Variants in CFAP47 observed in about 807,000 individuals in gnomAD.
CFAP47 encodes the protein cilia and flagella associated protein 47.
A neutral mutation model predicts 148.1 loss-of-function variants in CFAP47; 29 were observed. That is an observed-to-expected ratio of 0.20 (90% CI 0.15 to 0.27). CFAP47 has a LOEUF of 0.27. Ranked by LOEUF, CFAP47 falls within the 10% of genes least tolerant of loss-of-function variation. CFAP47 has a pLI of 1.00. For synonymous variants in CFAP47, 664 were observed against 577.3 expected, an observed-to-expected ratio of 1.15 and a Z score of -2.15; for missense variants, 1,872 against 1,697.5, an observed-to-expected ratio of 1.10 and a Z score of -1.81.
chrX:36,096,066 A>G (rs182490243), intron 30 of CFAP47, among the ~76,000 whole-genome samples: 49 of 111,034 alleles, frequency 4.4e-4, no homozygotes, highest in African/African-American at 1.6e-3. Flanking sequence ...AATATCATTT[A>G]TCTCAAGAAT....
chrX:35,924,198 T>C (rs1367822786), intron 1 of CFAP47, among the ~76,000 whole-genome samples: 4 of 105,854 alleles, frequency 3.8e-5, no homozygotes, highest in Non-Finnish European at 7.7e-5. Flanking sequence ...TATGTGTATA[T>C]ATGGACATGT....
intron 39 of CFAP47, among the ~76,000 whole-genome samples, chrX:36,171,118 T>C (rs1388067234): frequency 1.8e-5 from 2 of 110,463 alleles, no homozygotes; most frequent in African/African-American, 6.7e-5. Flanking sequence ...TCCGTTCATG[T>C]CCTTTGCCCA....
chrX:36,313,309 A>G (rs1426693270), intron 56 of CFAP47, among the ~76,000 whole-genome samples: 1 of 110,886 alleles, frequency 9.0e-6, no homozygotes, highest in Non-Finnish European at 1.9e-5. Flanking sequence ...ATGGTGGAAA[A>G]AAAACAGGCA....
At chrX:36,176,706 CCAGCCTGGCCAACATGGTGAAACTCAGT>C (rs1939686245) in intron 39 of CFAP47, among the ~76,000 whole-genome samples, 1 of 111,730 alleles carries the variant, frequency 9.0e-6, no homozygotes, top group Non-Finnish European at 1.9e-5. Context: ...GAGTTCAAGA[CCAGCCTGGCCAACATGGTGAAACTCAGT>C]CTCTACAAAA....
intron 25 of CFAP47, among the ~76,000 whole-genome samples, chrX:36,040,189 A>G (rs1387547620): frequency 8.9e-6 from 1 of 112,199 alleles, no homozygotes; most frequent in African/African-American, 3.2e-5. Flanking sequence ...ATTAATTTCA[A>G]ATGCAATAAC....
Position 36,149,230 on chromosome X carries a change from AT to A in CFAP47, c.5786+15del. 1.0e-5 allele frequency: 3 copies of A among 290,765 alleles called. No homozygotes were observed. Among genetic ancestry groups the A allele is most frequent in the Non-Finnish European group, 1.8e-5 (3 of 166,613 alleles). The allele number at this position is 290,765 out of a possible 1,213,427, so 24.0% of individuals were successfully genotyped here. A position where few individuals can be genotyped will look rare whatever the true frequency, so the allele number is the denominator to read the frequency against. On this transcript the variant is annotated splice_region_variant and intron_variant, in intron 37 of 63. Coordinates refer to ENST00000378653, the MANE Select transcript of CFAP47 (RefSeq NM_001304548.2). ...TTGTGACAATTTCTCCAAGGTAAGT[AT>A]TTTTTTTAATTTTACATTATCAGAC... is the stretch of plus-strand genomic sequence containing the variant.
chrX:36,347,482 G>A (rs1234351617), intron 57 of CFAP47, among the ~76,000 whole-genome samples: 4 of 112,000 alleles, frequency 3.6e-5, no homozygotes, highest in African/African-American at 1.3e-4. Context: ...ACATGCACAC[G>A]TATGTTTATT....
At chrX:36,022,432 T>C (rs957719139) in intron 22 of CFAP47, among the ~76,000 whole-genome samples, 2 of 111,403 alleles carry the variant, frequency 1.8e-5, no homozygotes, top group Non-Finnish European at 3.8e-5. Flanking sequence ...TCTTGGAATT[T>C]TGATTATTAA....
intron 33 of CFAP47, among the ~76,000 whole-genome samples, chrX:36,130,928 A>G (rs993107081): frequency 2.7e-5 from 3 of 110,938 alleles, no homozygotes; most frequent in African/African-American, 9.8e-5. Context: ...ATGGACTGGG[A>G]AGGGTAGTGA....
At chrX:35,957,720 C>A (rs1331449627) in intron 8 of CFAP47, among the ~76,000 whole-genome samples, 1 of 111,903 alleles carries the variant, frequency 8.9e-6, no homozygotes, top group East Asian at 2.8e-4. Flanking sequence ...TTATTTTTAA[C>A]CCTCTACATT....
At chrX:36,384,531 A>C (rs782475530) in intron 63 of CFAP47, among the ~76,000 whole-genome samples, 6 of 111,828 alleles carry the variant, frequency 5.4e-5, no homozygotes, top group South Asian at 3.7e-4. Flanking sequence ...TATGCAAGCC[A>C]AATAGATTGC....
chrX:36,274,352 C>A (rs1489715403), intron 49 of CFAP47, among the ~76,000 whole-genome samples: 5 of 111,521 alleles, frequency 4.5e-5, no homozygotes, highest in Non-Finnish European at 9.4e-5. Context: ...GGTGCAAAAG[C>A]AATACACATT....
In CFAP47 at chrX:36,073,238, C is replaced by T. The variant is rs766556961; in HGVS notation, c.4565C>T (p.Ser1522Phe). ...LEKEKYEQFL[S>F]LEEGTKAHYF... ...AAGGAAAAATATGAACAATTCCTTT[C>T]TCTTGAGGAAGGAACAAAGGCACAC... The change falls in exon 29 of 64, where the codon TCT becomes TTT. Residue 1522 changes from serine to phenylalanine, a missense_variant. Physicochemically the swap from Ser to Phe is radical, Grantham distance 155 (BLOSUM62 -2). Transcript: ENST00000378653. 8.3e-6 allele frequency: 10 copies of T among 1,208,404 alleles called. No homozygotes were observed. In the South Asian group the frequency reaches 1.6e-4, roughly 19 times the overall value.
At chrX:35,949,628 G>A (rs1435660921) in intron 4 of CFAP47, among the ~76,000 whole-genome samples, 3 of 111,716 alleles carry the variant, frequency 2.7e-5, no homozygotes, top group Non-Finnish European at 3.8e-5. Flanking sequence ...GATTCCTGGT[G>A]GAGCTGGCTG....
intron 37 of CFAP47, among the ~76,000 whole-genome samples, chrX:36,155,481 C>T (rs762484575): frequency 9.0e-6 from 1 of 111,453 alleles, no homozygotes; most frequent in East Asian, 2.8e-4. Flanking sequence ...GTCTGAACCC[C>T]ATCTTGCCCT....
chrX:36,288,415 C>G (rs986479515), intron 51 of CFAP47, among the ~76,000 whole-genome samples: 7 of 111,973 alleles, frequency 6.3e-5, no homozygotes, highest in African/African-American at 2.3e-4. Context: ...AACCCGCTGT[C>G]TTTCCACTGA....
intron 23 of CFAP47, among the ~76,000 whole-genome samples, chrX:36,031,601 A>G (rs1937279659): frequency 9.1e-6 from 1 of 110,146 alleles, no homozygotes; most frequent in African/African-American, 3.3e-5. Flanking sequence ...CATATAATTA[A>G]TAAGAATATT....
intron 1 of CFAP47, among the ~76,000 whole-genome samples, chrX:35,923,924 T>TATATGTGTATATATGTAC (rs1569200747): frequency 1.0e-4 from 7 of 67,557 alleles, no homozygotes; most frequent in Non-Finnish European, 1.3e-4. Context: ...TATATGTACA[T>TATATGTGTATATATGTAC]ATATATGTGT....
chrX:36,369,454 T>A (rs1053013771), intron 62 of CFAP47, among the ~76,000 whole-genome samples: 4 of 110,711 alleles, frequency 3.6e-5, no homozygotes, highest in Non-Finnish European at 3.8e-5. Context: ...TGATTTTTTT[T>A]AAAGATTCAA....
Sources: allele counts gnomAD v4.1 joint callset (sites outside exome capture counted in the v4.1 genomes callset), GRCh38; gene constraint gnomAD v4.1.1; transcripts MANE v1.5; gene names NCBI Gene and HGNC (gene_info 2026-07-23, HGNC 2026-07-21).